The following ARL10 variants were observed in gnomAD, a reference collection of about 807,000 sequenced individuals.
The protein encoded by ARL10 is ARF like GTPase 10, also known as ADP-ribosylation factor-like protein 10.
In ARL10, 23 loss-of-function variants were observed where a neutral mutation model predicts 26.1. The observed-to-expected ratio is 0.88, with a 90% CI of 0.63 to 1.25. The LOEUF (loss-of-function observed/expected upper bound fraction) is 1.25, where lower values mean the gene tolerates loss of function less well. Ranked by LOEUF, ARL10 falls within the 50% of genes most tolerant of loss-of-function variation. The pLI is 0.00. For missense variants in ARL10, 300 were observed against 323.6 expected (o/e 0.93, Z 0.56); for synonymous variants, 138 against 149.1 (o/e 0.93, Z 0.54).
chr5:176,398,006 C>T, intron 1 of ARL10: 1 of 1,614,132 alleles, frequency 6.2e-7, no homozygotes, highest in Non-Finnish European at 8.5e-7. Context: ...GCCTGTCAGC[C>T]TGGGCAATGG....
At chr5:176,408,539 G>GAAA in the ARL10 span, among the ~76,000 whole-genome samples, 5 of 118,582 alleles carry the variant, frequency 4.2e-5, no homozygotes, top group African/African-American at 1.6e-4. Flanking sequence ...TCCATCTCAG[G>GAAA]AAAAAAAAAA....
chr5:176,384,483 C>T, downstream of ARL10: 4 of 1,120,216 alleles, frequency 3.6e-6, no homozygotes, highest in Non-Finnish European at 5.2e-6. Flanking sequence ...GGTCCAGAAT[C>T]CTGACCTCAA....
chr5:176,368,139 C>A lies in ARL10; in HGVS notation c.386-668C>A, dbSNP rs1231835899. On this transcript the variant is annotated intron_variant, in intron 2 of 3. Coordinates refer to ENST00000310389, the MANE Select transcript of ARL10 (RefSeq NM_173664.6). This position sits in a 1 kb window ranked among gnomAD's most constrained non-coding sequence, Gnocchi z 4.1. ...GTGCGGGGTGACCAATGGGACTGTG[C>A]AGAGGAGCAGAGAGGAAAAGAAAGG... 2 of 422,352 alleles carry A rather than the reference C, an allele frequency of 4.7e-6. No homozygotes were observed. Among genetic ancestry groups the A allele is most frequent in the African/African-American group, 2.1e-5 (1 of 47,982 alleles). 26.2% of individuals were successfully genotyped at this position (422,352 alleles called of 1,614,324 possible). A position where few individuals can be genotyped will look rare whatever the true frequency, so the allele number is the denominator to read the frequency against.
chr5:176,379,753 A>C lies in ARL10; in HGVS notation c.*7858A>C, dbSNP rs1375941528. On this transcript the variant is annotated 3_prime_UTR_variant, in exon 4 of 4. Transcript: ENST00000310389. Reference sequence around the variant, plus strand: ...AATCAATTTTTTGTGGAAAAGCCCTAGGGATTGAATTTAAAAGATCTTCAG... The same window carrying C: ...AATCAATTTTTTGTGGAAAAGCCCTCGGGATTGAATTTAAAAGATCTTCAG... 6.6e-6 allele frequency: 1 copy of C among 152,194 alleles called. No individual in the cohort carries two copies. The highest frequency in any genetic ancestry group is 1.9e-4 in the East Asian group (1 of 5,192). 9.4% of individuals were successfully genotyped at this position (152,194 alleles called of 1,614,324 possible). A position where few individuals can be genotyped will look rare whatever the true frequency, so the allele number is the denominator to read the frequency against.
chr5:176,373,346 A>G lies in ARL10; in HGVS notation c.*1451A>G, dbSNP rs551410562. ...AGCCCAATTGAAGGACTGGCTCTGT[A>G]CTGACACTTATTATCGGTACAGGCA... is the stretch of plus-strand genomic sequence containing the variant. On this transcript the variant is annotated 3_prime_UTR_variant, in exon 4 of 4. Transcript: ENST00000310389. 4.5e-4 allele frequency: 137 copies of G among 304,446 alleles called. No homozygotes were observed. Among genetic ancestry groups the G allele is most frequent in the African/African-American group, 2.9e-3 (131 of 45,546 alleles). 18.9% of individuals were successfully genotyped at this position (304,446 alleles called of 1,614,324 possible). A position where few individuals can be genotyped will look rare whatever the true frequency, so the allele number is the denominator to read the frequency against.
At chr5:176,369,784 C>T (rs1237583263) in intron 3 of ARL10, among the ~76,000 whole-genome samples, 2 of 151,644 alleles carry the variant, frequency 1.3e-5, no homozygotes, top group African/African-American at 2.4e-5. Flanking sequence ...GGTGAAACTC[C>T]GTCTCTACAA....
intron 3 of ARL10, among the ~76,000 whole-genome samples, chr5:176,370,072 A>C (rs1768486326): frequency 6.6e-6 from 1 of 152,144 alleles, no homozygotes; most frequent in African/African-American, 2.4e-5. Context: ...GAAGCTGGTA[A>C]CTGATGAGAG....
At chr5:176,405,743 G>A (rs1757081821), downstream of ARL10, 1 of 152,050 alleles carries the variant, frequency 6.6e-6, no homozygotes, top group Admixed American at 6.6e-5. Flanking sequence ...AGAGGGGCTG[G>A]GCTTTACATC....
chr5:176,404,426 C>T (rs1001887320), downstream of ARL10, among the ~76,000 whole-genome samples: 8 of 152,242 alleles, frequency 5.3e-5, no homozygotes, highest in African/African-American at 7.2e-5. Context: ...GGAGCGGAGC[C>T]TCTAATTCGC....
At chr5:176,403,223 T>A (rs910962403), downstream of ARL10, among the ~76,000 whole-genome samples, 4 of 151,976 alleles carry the variant, frequency 2.6e-5, no homozygotes, top group Non-Finnish European at 5.9e-5. Context: ...CTACTTTTTT[T>A]ATTTTTAGTA....
Position 176,368,689 on chromosome 5 carries a change from G to T in ARL10, c.386-118G>T. 8.0e-7 allele frequency: 1 copy of T among 1,247,892 alleles called. No individual in the cohort carries two copies. The highest frequency in any genetic ancestry group is 1.1e-6 in the Non-Finnish European group (1 of 935,822). 77.3% of individuals were successfully genotyped at this position (1,247,892 alleles called of 1,614,324 possible). A position where few individuals can be genotyped will look rare whatever the true frequency, so the allele number is the denominator to read the frequency against. On this transcript the variant is annotated intron_variant, in intron 2 of 3. Coordinates refer to ENST00000310389, the MANE Select transcript of ARL10 (RefSeq NM_173664.6). The surrounding 1 kb of genome is among the most constrained non-coding windows in gnomAD (Gnocchi z 4.1). The stretch of plus-strand genomic sequence containing the variant: ...GGGTGGGGGCTGTGGGCAGTGAGCG[G>T]GGGCCCGGGGTGGGGTGGGGGCTGT...
At chr5:176,366,276 G>T in intron 1 of ARL10, 104 bp from the exon 2 acceptor site, 1 of 1,369,320 alleles carries the variant, frequency 7.3e-7, no homozygotes, top group Non-Finnish European at 9.9e-7. Flanking sequence ...CCTGTCCCAG[G>T]ACGGGTGGAA....
At position 176,368,955 on chromosome 5, in the gene ARL10, G is replaced by A. The variant is rs1768430634; in HGVS notation, c.534G>A (p.Leu178=). ...LHKLLDKDPD[L]PVVVVANKQD... Reference sequence around the variant, plus strand: ...AGCTGCTGGACAAGGACCCTGACCTGCCTGTCGTCGTGGTGGCCAACAAGC... The same window carrying A: ...AGCTGCTGGACAAGGACCCTGACCTACCTGTCGTCGTGGTGGCCAACAAGC... Residue 178 remains leucine, a synonymous_variant, in exon 3 of 4, where the codon CTG becomes CTA. Transcript: ENST00000310389. The surrounding 1 kb of genome is among the most constrained non-coding windows in gnomAD (Gnocchi z 4.1). 1.9e-6 allele frequency: 3 copies of A among 1,613,938 alleles called. No individual in the cohort carries two copies. The highest frequency in any genetic ancestry group is 1.3e-5 in the African/African-American group (1 of 74,922).
the ARL10 span, among the ~76,000 whole-genome samples, chr5:176,411,457 T>A: frequency 6.6e-6 from 1 of 152,188 alleles, no homozygotes; most frequent in South Asian, 2.1e-4. Flanking sequence ...CCTCACTCCC[T>A]TCAGCTTCTG....
chr5:176,414,179 C>T, the ARL10 span, among the ~76,000 whole-genome samples: 4 of 152,268 alleles, frequency 2.6e-5, no homozygotes, highest in South Asian at 4.1e-4. Flanking sequence ...CCCTGCACCC[C>T]GACCCCAACA....
downstream of ARL10, chr5:176,389,498 G>A: frequency 1.2e-6 from 2 of 1,611,512 alleles, no homozygotes; most frequent in Non-Finnish European, 1.7e-6. Context: ...TCGACCCTAA[G>A]CCCAGGGTCT....
chr5:176,372,100 G>A lies in ARL10; in HGVS notation c.*205G>A. 18 of 1,420,142 alleles carry A rather than the reference G, an allele frequency of 1.3e-5. No individual in the cohort carries two copies. Among genetic ancestry groups the A allele is most frequent in the Non-Finnish European group, 1.7e-5 (18 of 1,089,494 alleles). The allele number at this position is 1,420,142 out of a possible 1,614,324, so 88.0% of individuals were successfully genotyped here. ...GTGGCCGTGAAGCCGAAGCAGGGAG[G>A]TGGGTGAGACAGAGGGTGGGGAGGA... is the stretch of plus-strand genomic sequence containing the variant. On this transcript the variant is annotated 3_prime_UTR_variant, in exon 4 of 4. Transcript: ENST00000310389.
downstream of ARL10, chr5:176,406,125 C>G: frequency 1.0e-6 from 1 of 985,360 alleles, no homozygotes; most frequent in Non-Finnish European, 1.2e-6. Flanking sequence ...GTGACAGTGT[C>G]ACGGGCCACA....
chr5:176,371,828 C>A lies in ARL10; in HGVS notation c.668C>A (p.Ala223Glu). Reference sequence around the variant, plus strand: ...CTCTTGGCAGCCAGCATTGCCCCTGCAGGACCCACCTTTGAAGAGCCTGGC... The same window carrying A: ...CTCTTGGCAGCCAGCATTGCCCCTGAAGGACCCACCTTTGAAGAGCCTGGC... ...VFLLAASIAP[A>E]GPTFEEPGTV... The change falls in exon 4 of 4, where the codon GCA becomes GAA. Residue 223 changes from alanine to glutamate, a missense_variant. Transcript: ENST00000310389. 1 of 1,614,212 alleles carries A rather than the reference C, an allele frequency of 6.2e-7. No homozygotes were observed. Among genetic ancestry groups the A allele is most frequent in the South Asian group, 1.1e-5 (1 of 91,084 alleles).
Sources: allele counts gnomAD v4.1 joint callset (sites outside exome capture counted in the v4.1 genomes callset), GRCh38; gene constraint gnomAD v4.1.1; non-coding constraint Gnocchi (gnomAD v3.1); transcripts MANE v1.5; gene names NCBI Gene and HGNC (gene_info 2026-07-23, HGNC 2026-07-21).